The following ADH5 variants were observed in gnomAD, a reference collection of about 807,000 sequenced individuals.
The protein encoded by ADH5 is alcohol dehydrogenase class-3.
A neutral mutation model predicts 40.3 loss-of-function variants in ADH5; 32 were observed. The observed-to-expected ratio is 0.79, with a 90% CI of 0.60 to 1.07. The LOEUF (loss-of-function observed/expected upper bound fraction) is 1.07, where lower values mean the gene tolerates loss of function less well. Ranked by LOEUF, ADH5 falls within the 50% of genes least tolerant of loss-of-function variation. The probability of loss-of-function intolerance (pLI) is 0.00; values close to 1 mark genes in which losing one functional copy is unlikely to be tolerated. For missense variants in ADH5, 353 were observed against 460.5 expected, an observed-to-expected ratio of 0.77 and a Z score of 2.14; for synonymous variants, 125 against 154.3, an observed-to-expected ratio of 0.81 and a Z score of 1.41.
At chr4:99,077,022 A>T in intron 4 of ADH5, 99 bp from the exon 5 acceptor site, 1 of 864,392 alleles carries the variant, frequency 1.2e-6, no homozygotes, top group Non-Finnish European at 1.8e-6. Flanking sequence ...AAATATTAAG[A>T]AAGTGTTGTA....
intron 1 of ADH5, among the ~76,000 whole-genome samples, chr4:99,086,477 G>C (rs1053701016): frequency 1.3e-5 from 2 of 152,166 alleles, no homozygotes; most frequent in Admixed American, 1.3e-4. Flanking sequence ...GTGATTTAAA[G>C]AGACAGGCAC....
chr4:99,072,811 A>C, intron 7 of ADH5, 100 bp from the exon 8 acceptor site: 1 of 1,118,466 alleles, frequency 8.9e-7, no homozygotes, highest in Non-Finnish European at 1.3e-6. Flanking sequence ...TTTTTTGATG[A>C]GTTAAAGAGT....
At chr4:99,077,882 T>C (rs1154415) in intron 4 of ADH5, among the ~76,000 whole-genome samples, 51,515 of 152,082 alleles carry the variant, frequency 0.34, 10,342 homozygotes, top group South Asian at 0.52. Flanking sequence ...TGGGTTCAAA[T>C]CCTGTGTGAT....
At position 99,088,599 on chromosome 4, in the gene ADH5, G is replaced by A. The variant is rs527643890; in HGVS notation, c.12+90C>T. The A allele has an allele frequency of 2.0e-4, 271 of 1,363,608 alleles. 4 individuals are homozygous for A. In the South Asian group the frequency reaches 3.7e-3, roughly 19 times the overall value. The allele number at this position is 1,363,608 out of a possible 1,614,324, so 84.5% of individuals were successfully genotyped here. On this transcript the variant is annotated intron_variant, in intron 1 of 8. Transcript: ENST00000296412. ...AGAGCCAGATCCCGTCTTGGGCGCC[G>A]AGCCTCGCGCGCCCCCGAGGATAGC...
intron 4 of ADH5, among the ~76,000 whole-genome samples, chr4:99,078,613 G>T (rs1727971634): frequency 6.6e-6 from 1 of 152,090 alleles, no homozygotes; most frequent in Non-Finnish European, 1.5e-5. Context: ...AGATGTGCAG[G>T]CTGTTCTCTA....
At chr4:99,077,977 A>G (rs1017042053) in intron 4 of ADH5, among the ~76,000 whole-genome samples, 1 of 152,236 alleles carries the variant, frequency 6.6e-6, no homozygotes, top group African/African-American at 2.4e-5. Flanking sequence ...ACAAATTGCT[A>G]TAAAAGTCTA....
At chr4:99,086,359 A>T (rs28894368) in intron 1 of ADH5, among the ~76,000 whole-genome samples, 1,651 of 152,304 alleles carry the variant, frequency 0.011, 22 homozygotes, top group African/African-American at 0.037. Context: ...GTAATGAGAA[A>T]GGTTCTAATT....
intron 4 of ADH5, among the ~76,000 whole-genome samples, chr4:99,077,581 A>G (rs988276388): frequency 1.3e-5 from 2 of 152,246 alleles, no homozygotes; most frequent in African/African-American, 2.4e-5. Flanking sequence ...GCAAGTAGAG[A>G]TTACAAACCA....
At chr4:99,086,820 G>A (rs561581217) in intron 1 of ADH5, among the ~76,000 whole-genome samples, 1 of 148,348 alleles carries the variant, frequency 6.7e-6, no homozygotes, top group South Asian at 2.1e-4. Context: ...GTCGCCTGTA[G>A]TCACAGCTAC....
intron 7 of ADH5, among the ~76,000 whole-genome samples, chr4:99,073,142 C>T (rs1727862774): frequency 6.6e-6 from 1 of 151,932 alleles, no homozygotes; most frequent in Admixed American, 6.6e-5. Context: ...AACTATGAAA[C>T]TGAAAAATGA....
intron 1 of ADH5, among the ~76,000 whole-genome samples, chr4:99,086,716 G>A (rs188726203): frequency 6.6e-6 from 1 of 151,746 alleles, no homozygotes; most frequent in Non-Finnish European, 1.5e-5. Flanking sequence ...AGGCCGAGGC[G>A]GGCGGATCAC....
intron 2 of ADH5, among the ~76,000 whole-genome samples, chr4:99,083,824 C>G (rs949996684): frequency 6.6e-6 from 1 of 151,988 alleles, no homozygotes; most frequent in East Asian, 1.9e-4. Flanking sequence ...TATATCAAAA[C>G]AAGTAGAGAG....
intron 1 of ADH5, among the ~76,000 whole-genome samples, chr4:99,088,442 C>T (rs1049318772): frequency 7.3e-6 from 1 of 136,904 alleles, no homozygotes; most frequent in African/African-American, 2.7e-5. Context: ...TCCGGCTCTC[C>T]CACCCCCCCA....
intron 6 of ADH5, 90 bp downstream of exon 6, chr4:99,076,202 C>T (rs2110459425): frequency 7.1e-7 from 1 of 1,406,576 alleles, no homozygotes; most frequent in East Asian, 2.3e-5. Context: ...AGAGACTTTT[C>T]CTTTGCCAAA....
At chr4:99,082,537 G>A (rs938838749) in intron 2 of ADH5, among the ~76,000 whole-genome samples, 2 of 152,150 alleles carry the variant, frequency 1.3e-5, no homozygotes, top group African/African-American at 4.8e-5. Flanking sequence ...AAGAGGTAAT[G>A]ACTATTTCTG....
rs145086181 is a variant in ADH5, at chr4:99,087,455, C to G, written c.12+1234G>C. ...GTGAGGTTGGAAATGTGGAAATGAT[C>G]GTTTTTAAAATTAAATTGCAGATAT... On this transcript the variant is annotated intron_variant, in intron 1 of 8. Coordinates refer to ENST00000296412, the MANE Select transcript of ADH5 (RefSeq NM_000671.4). Among the ~76,000 whole-genome samples, 448 of 151,562 alleles carry G rather than the reference C, an allele frequency of 3.0e-3. 9 individuals are homozygous for G. Among genetic ancestry groups the G allele is most frequent in the African/African-American group, 0.01 (430 of 41,250 alleles).
At chr4:99,084,965 G>A in intron 2 of ADH5, 150 bp downstream of exon 2, 2 of 412,752 alleles carry the variant, frequency 4.8e-6, no homozygotes, top group Non-Finnish European at 8.5e-6. Context: ...ATAAGAGAAG[G>A]ATGTTGTGAT....
intron 1 of ADH5, among the ~76,000 whole-genome samples, chr4:99,087,679 T>C (rs1434297575): frequency 1.3e-5 from 2 of 152,172 alleles, no homozygotes; most frequent in East Asian, 3.9e-4. Flanking sequence ...AACCTTTTCC[T>C]TTTACTGACA....
In ADH5 at chr4:99,085,197, G is replaced by A; in HGVS notation, c.32C>T (p.Ala11Val). 8 of 1,530,324 alleles carry A rather than the reference G, an allele frequency of 5.2e-6. No homozygotes were observed. Among genetic ancestry groups the A allele is most frequent in the Non-Finnish European group, 7.0e-6 (8 of 1,135,938 alleles). The allele number at this position is 1,530,324 out of a possible 1,614,324, so 94.8% of individuals were successfully genotyped here. Residue 11 changes from alanine (A) to valine (V), a missense_variant, in exon 2 of 9, where the codon GCA becomes GTA. Ala to Val is a moderately conservative substitution (Grantham distance 64). Coordinates refer to ENST00000296412, the MANE Select transcript of ADH5 (RefSeq NM_000671.4). MANEVIKCKA[A>V]VAWEAGKPLS... Reference sequence around the variant, plus strand: ...AGGCTTTCCAGCCTCCCAAGCAACTGCAGCCTTGCACTTGATAACCTGAAG... The same window carrying A: ...AGGCTTTCCAGCCTCCCAAGCAACTACAGCCTTGCACTTGATAACCTGAAG...
Sources: allele counts gnomAD v4.1 joint callset (sites outside exome capture counted in the v4.1 genomes callset), GRCh38; gene constraint gnomAD v4.1.1; transcripts MANE v1.5; gene names NCBI Gene and HGNC (gene_info 2026-07-23, HGNC 2026-07-21).